PPM1D: variants seen among roughly 807,000 people sequenced by gnomAD.
PPM1D encodes the protein protein phosphatase 1D.
Under a neutral mutation model 58.3 loss-of-function variants are expected in PPM1D, and 52 were observed. The observed-to-expected ratio is 0.89, with a 90% CI of 0.71 to 1.12. The LOEUF (loss-of-function observed/expected upper bound fraction) is 1.12, where lower values mean the gene tolerates loss of function less well. PPM1D is among the 50% of genes most tolerant of loss of function. The pLI is 0.00. For missense variants in PPM1D, 564 were observed against 777.2 expected (o/e 0.73, Z 3.26); for synonymous variants, 278 against 285.1 (o/e 0.98, Z 0.25).
At position 60,600,521 on chromosome 17, in the gene PPM1D, A is replaced by G. The variant is rs2030180948; in HGVS notation, c.107A>G (p.Glu36Gly). Residue 36 changes from glutamate (E) to glycine (G), a missense_variant, in exon 1 of 6, where the codon GAA (glutamate) becomes GGA (glycine). Coordinates refer to ENST00000305921, the MANE Select transcript of PPM1D (RefSeq NM_003620.4). ...QIVVEPEPTA[E>G]EKPSPRRSLS... is the part of the protein sequence containing the mutation. ...GTTGTGGAGCCCGAACCGACGGCTG[A>G]AGAAAAGCCCTCGCCGCGGCGGTCG... 6.4e-7 allele frequency: 1 copy of G among 1,563,216 alleles called. No homozygotes were observed. Among genetic ancestry groups the G allele is most frequent in the African/African-American group, 1.4e-5 (1 of 73,736 alleles).
At chr17:60,619,776 T>A (rs2030661089) in intron 1 of PPM1D, among the ~76,000 whole-genome samples, 1 of 152,036 alleles carries the variant, frequency 6.6e-6, no homozygotes, top group Non-Finnish European at 1.5e-5. Context: ...AATTTTTAAA[T>A]TTTTAGTGGA....
In PPM1D at chr17:60,600,738, C is replaced by A. The variant is rs1195278028; in HGVS notation, c.324C>A (p.Gly108=). ...TTTTCGCCGTGTGCGACGGGCACGG[C>A]GGGCGGGAGGCGGCACAGTTTGCCC... ...VAFFAVCDGH[G]GREAAQFARE... is the part of the protein sequence containing the mutation. Residue 108 remains glycine, a synonymous_variant, in exon 1 of 6, where the codon GGC becomes GGA. Coordinates refer to ENST00000305921, the MANE Select transcript of PPM1D (RefSeq NM_003620.4). 2.1e-5 allele frequency: 34 copies of A among 1,610,348 alleles called. No individual in the cohort carries two copies. Among genetic ancestry groups the A allele is most frequent in the Non-Finnish European group, 2.9e-5 (34 of 1,179,032 alleles).
rs2143732003 is a variant in PPM1D at position 60,663,147 on chromosome 17, A to G, written c.1413A>G (p.Pro471=). Residue 471 remains proline, a synonymous_variant, in exon 6 of 6, where the codon CCA becomes CCG. Coordinates refer to ENST00000305921, the MANE Select transcript of PPM1D (RefSeq NM_003620.4). ...VQGVVIPSKD[P]EPLEENCAKA... ...GTGTAGTCATACCCTCAAAAGATCC[A>G]GAACCACTTGAAGAAAATTGCGCTA... 4 of 1,614,206 alleles carry G rather than the reference A, an allele frequency of 2.5e-6. No homozygotes were observed. The highest frequency in any genetic ancestry group is 3.4e-6 in the Non-Finnish European group (4 of 1,180,030).
chr17:60,601,150 C>T (rs897063964), intron 1 of PPM1D, among the ~76,000 whole-genome samples: 3 of 152,252 alleles, frequency 2.0e-5, no homozygotes, highest in Non-Finnish European at 4.4e-5. Flanking sequence ...AGTCCACTCC[C>T]TTCCCTGCTT....
chr17:60,630,138 G>A (rs1054155626), intron 2 of PPM1D, among the ~76,000 whole-genome samples: 1 of 151,966 alleles, frequency 6.6e-6, no homozygotes, highest in African/African-American at 2.4e-5. Flanking sequence ...AGAAGTTTGA[G>A]ACCAACCTGT....
rs117724362 is a variant in PPM1D at position 60,617,761 on chromosome 17, T to A, written c.473-5760T>A. Among the ~76,000 whole-genome samples, 532 of 152,282 alleles carry A rather than the reference T, an allele frequency of 3.5e-3. 5 individuals carry two copies. Among genetic ancestry groups the A allele is most frequent in the Non-Finnish European group, 5.6e-3 (383 of 68,030 alleles). Reference sequence around the variant, plus strand: ...TGATACCTTTTCTCTGCTTTTTTTTTATTTTAAATATTGCAAAATAAGCAT... The same window carrying A: ...TGATACCTTTTCTCTGCTTTTTTTTAATTTTAAATATTGCAAAATAAGCAT... On this transcript the variant is annotated intron_variant, in intron 1 of 5. Transcript: ENST00000305921.
intron 2 of PPM1D, among the ~76,000 whole-genome samples, chr17:60,630,910 C>T (rs2030908307): frequency 6.6e-6 from 1 of 152,302 alleles, no homozygotes; most frequent in East Asian, 1.9e-4. Context: ...TTCATGGATT[C>T]TTGTGAATGG....
chr17:60,603,364 T>TTA (rs1026970187), intron 1 of PPM1D, among the ~76,000 whole-genome samples: 8 of 152,138 alleles, frequency 5.3e-5, no homozygotes, highest in African/African-American at 1.7e-4. Context: ...ACTTATATGT[T>TTA]TATATATATA....
intron 4 of PPM1D, among the ~76,000 whole-genome samples, chr17:60,650,880 C>G (rs1055681348): frequency 6.6e-6 from 1 of 151,766 alleles, no homozygotes; most frequent in African/African-American, 2.4e-5. Context: ...CCCAGGAGTT[C>G]AAGGCTGTAG....
chr17:60,664,519 G>A lies in PPM1D; in HGVS notation c.*967G>A, dbSNP rs936013344. On this transcript the variant is annotated 3_prime_UTR_variant, in exon 6 of 6. Transcript: ENST00000305921. Reference sequence around the variant, plus strand: ...AGTTGTTGGTTTATTTTAATGGTATGTACAAGTTGAGTATCCCTTATCCAA... The same window carrying A: ...AGTTGTTGGTTTATTTTAATGGTATATACAAGTTGAGTATCCCTTATCCAA... 1 of 152,524 alleles carries A rather than the reference G, an allele frequency of 6.6e-6. No individual in the cohort carries two copies. The highest frequency in any genetic ancestry group is 1.5e-5 in the Non-Finnish European group (1 of 68,034). The allele number at this position is 152,524 out of a possible 1,614,324, so 9.4% of individuals were successfully genotyped here.
chr17:60,634,469 C>T (rs2030985772), intron 3 of PPM1D, among the ~76,000 whole-genome samples: 1 of 152,116 alleles, frequency 6.6e-6, no homozygotes, highest in African/African-American at 2.4e-5. Flanking sequence ...GTTCATGAGT[C>T]ACGTTCAATG....
At chr17:60,640,222 G>A (rs2031107001) in intron 3 of PPM1D, among the ~76,000 whole-genome samples, 1 of 152,128 alleles carries the variant, frequency 6.6e-6, no homozygotes, top group African/African-American at 2.4e-5. Flanking sequence ...TTGGTTGGGA[G>A]GATTGCTTGA....
Position 60,600,216 on chromosome 17 carries a change from C to G in PPM1D, c.-199C>G. 1 of 1,093,016 alleles carries G rather than the reference C, an allele frequency of 9.1e-7. No individual in the cohort carries two copies. The highest frequency in any genetic ancestry group is 1.7e-5 in the South Asian group (1 of 60,282). The allele number at this position is 1,093,016 out of a possible 1,614,324, so 67.7% of individuals were successfully genotyped here. A position where few individuals can be genotyped will look rare whatever the true frequency, so the allele number is the denominator to read the frequency against. Reference sequence around the variant, plus strand: ...GCAGTGCGCAGGCGCAACTGCCTGGCTCTGCTCGCTCCGGCGCTCCGGCCC... The same window carrying G: ...GCAGTGCGCAGGCGCAACTGCCTGGGTCTGCTCGCTCCGGCGCTCCGGCCC... On this transcript the variant is annotated 5_prime_UTR_variant, in exon 1 of 6. Transcript: ENST00000305921.
intron 5 of PPM1D, among the ~76,000 whole-genome samples, chr17:60,661,678 G>T (rs186457040): frequency 6.6e-6 from 1 of 152,080 alleles, no homozygotes. Flanking sequence ...ACCATTCTCA[G>T]AATGGTCCCA....
intron 5 of PPM1D, among the ~76,000 whole-genome samples, 169 bp from the exon 6 acceptor site, chr17:60,662,826 C>A (rs1232658106): frequency 2.0e-5 from 3 of 152,166 alleles, no homozygotes; most frequent in Non-Finnish European, 4.4e-5. Context: ...AGGTTCCTCC[C>A]ATTAAACCTT....
At chr17:60,660,352 C>CA (rs1322025867) in intron 5 of PPM1D, among the ~76,000 whole-genome samples, 2 of 151,452 alleles carry the variant, frequency 1.3e-5, no homozygotes, top group Admixed American at 6.6e-5. Flanking sequence ...GAAACAAAAA[C>CA]AAAAAAACAG....
rs751844196 is a variant in PPM1D, at chr17:60,600,830, G to C, written c.416G>C (p.Cys139Ser). 3 of 1,613,084 alleles carry C rather than the reference G, an allele frequency of 1.9e-6. No homozygotes were observed. The highest frequency in any genetic ancestry group is 2.5e-6 in the Non-Finnish European group (3 of 1,180,020). ...ACCTCGTCCGAGCCGGCTAAGGTTTGCGCTGCCATCCGCAAAGGCTTTCTC... is the reference window on the plus strand; with the variant it reads ...ACCTCGTCCGAGCCGGCTAAGGTTTCCGCTGCCATCCGCAAAGGCTTTCTC... ...GFTSSEPAKVCAAIRKGFLAC... is the reference protein window; with the variant it reads ...GFTSSEPAKVSAAIRKGFLAC... The change falls in exon 1 of 6, where the codon TGC becomes TCC. Residue 139 changes from cysteine (C) to serine (S), a missense_variant. Coordinates refer to ENST00000305921, the MANE Select transcript of PPM1D (RefSeq NM_003620.4).
intron 1 of PPM1D, among the ~76,000 whole-genome samples, chr17:60,601,669 G>A (rs767674263): frequency 8.5e-5 from 13 of 152,094 alleles, no homozygotes; most frequent in Non-Finnish European, 1.5e-4. Context: ...CTTATAAATT[G>A]TAACTGCCCA....
intron 1 of PPM1D, among the ~76,000 whole-genome samples, chr17:60,621,547 C>T (rs1182983068): frequency 6.6e-6 from 1 of 150,970 alleles, no homozygotes; most frequent in African/African-American, 2.4e-5. Flanking sequence ...GGCACACATG[C>T]CTGGCTATTT....
Sources: allele counts gnomAD v4.1 joint callset (sites outside exome capture counted in the v4.1 genomes callset), GRCh38; gene constraint gnomAD v4.1.1; transcripts MANE v1.5; gene names NCBI Gene and HGNC (gene_info 2026-07-23, HGNC 2026-07-21).